TTC8: variants seen among roughly 807,000 people sequenced by gnomAD.
TTC8 encodes the protein tetratricopeptide repeat domain 8.
A neutral mutation model predicts 72.5 loss-of-function variants in TTC8; 47 were observed. The observed-to-expected ratio is 0.65, with a 90% confidence interval of 0.51 to 0.83. TTC8 has a LOEUF of 0.83. Ranked by LOEUF, TTC8 falls within the 40% of genes least tolerant of loss-of-function variation. TTC8 has a pLI of 0.00. For missense variants in TTC8, 611 were observed against 623.2 expected, an observed-to-expected ratio of 0.98 and a Z score of 0.21; for synonymous variants, 199 against 221.4, an observed-to-expected ratio of 0.90 and a Z score of 0.90.
At chr14:88,833,941 A>C in intron 2 of TTC8, 1 of 563,090 alleles carries the variant, frequency 1.8e-6, no homozygotes, top group East Asian at 3.0e-5. Context: ...AATGCAGTCT[A>C]CTCATTGGGA....
At chr14:88,878,048 C>T (rs1230119800), downstream of TTC8, 1 of 152,026 alleles carries the variant, frequency 6.6e-6, no homozygotes, top group Non-Finnish European at 1.5e-5. Context: ...ACAGGTTTTA[C>T]AGAAGTCCAG....
intron 7 of TTC8, 75 bp from the exon 8 acceptor site, chr14:88,852,896 T>G: frequency 8.2e-7 from 1 of 1,218,468 alleles, no homozygotes. Flanking sequence ...TTATATGGTC[T>G]ATTTCATTAT....
rs147568590 is a variant in TTC8 at position 88,868,084 on chromosome 14, G to A, written c.910-1975G>A. On this transcript the variant is annotated intron_variant, in intron 10 of 14. Transcript: ENST00000380656. ...ACCATTAGCTTGATTACAGATAAAAGCAGAAGTGGAGCTTTTGGCTTTAGA... is the reference window on the plus strand; with the variant it reads ...ACCATTAGCTTGATTACAGATAAAAACAGAAGTGGAGCTTTTGGCTTTAGA... 1.3e-3 allele frequency among the ~76,000 whole-genome samples: 197 copies of A among 152,276 alleles called. 1 individual carries two copies. The highest frequency in any genetic ancestry group is 4.5e-3 in the African/African-American group (189 of 41,552).
At chr14:88,878,560 C>T (rs1271308837), downstream of TTC8, 3 of 152,172 alleles carry the variant, frequency 2.0e-5, no homozygotes, top group East Asian at 1.9e-4. Context: ...CAAGGCCCCG[C>T]GTCACATCCA....
Position 88,857,093 on chromosome 14 carries a change from G to A in TTC8, c.711-97G>A, listed in dbSNP as rs2094859909. 8 of 1,036,458 alleles carry A rather than the reference G, an allele frequency of 7.7e-6. 1 individual carries two copies. Among genetic ancestry groups the A allele is most frequent in the South Asian group, 3.8e-5 (3 of 78,614 alleles). The allele number at this position is 1,036,458 out of a possible 1,614,324, so 64.2% of individuals were successfully genotyped here. A position where few individuals can be genotyped will look rare whatever the true frequency, so the allele number is the denominator to read the frequency against. On this transcript the variant is annotated intron_variant, in intron 8 of 14. Transcript: ENST00000380656. ...TGTGCAACATTACCTTCCTTGGTAT[G>A]TGCTTCCTCTTATAATTTGTCTCTA...
intron 1 of TTC8, among the ~76,000 whole-genome samples, chr14:88,831,949 C>T (rs764062510): frequency 5.9e-5 from 9 of 152,126 alleles, no homozygotes; most frequent in Non-Finnish European, 1.2e-4. Context: ...GTATTTGACA[C>T]ATTGTATTGT....
chr14:88,853,712 T>C (rs1174221253), intron 8 of TTC8, among the ~76,000 whole-genome samples: 2 of 152,224 alleles, frequency 1.3e-5, no homozygotes, highest in Admixed American at 1.3e-4. Flanking sequence ...TTATATTCTC[T>C]TAATGTTTCA....
At chr14:88,832,279 G>A (rs2140959206) in intron 1 of TTC8, among the ~76,000 whole-genome samples, 1 of 152,298 alleles carries the variant, frequency 6.6e-6, no homozygotes, top group East Asian at 1.9e-4. Context: ...TGTGTCACTG[G>A]AGGAATCTAC....
At chr14:88,840,039 T>C (rs1371942956) in intron 3 of TTC8, 1 of 172,054 alleles carries the variant, frequency 5.8e-6, no homozygotes, top group Non-Finnish European at 1.3e-5. Context: ...TAATCGAACA[T>C]GATTTGCTCT....
At position 88,830,372 on chromosome 14, in the gene TTC8, A is replaced by T. The variant is rs147722959; in HGVS notation, c.115-3321A>T. Among the ~76,000 whole-genome samples, 16 of 152,296 alleles carry T rather than the reference A, an allele frequency of 1.1e-4. No homozygotes were observed. In the East Asian group the frequency reaches 3.1e-3, roughly 29 times the overall value. On this transcript the variant is annotated intron_variant, in intron 1 of 14. Coordinates refer to ENST00000380656, the MANE Select transcript of TTC8 (RefSeq NM_144596.4). Reference sequence around the variant, plus strand: ...CCCACTTTGAGGGAGATTCAGAGGAAGTTTTAATTTGATCTTCCATCACTG... The same window carrying T: ...CCCACTTTGAGGGAGATTCAGAGGATGTTTTAATTTGATCTTCCATCACTG...
downstream of TTC8, chr14:88,878,736 T>C (rs2094965626): frequency 6.6e-6 from 1 of 152,234 alleles, no homozygotes; most frequent in South Asian, 2.1e-4. Context: ...TGAATCATTT[T>C]CTTAATTTAA....
chr14:88,846,785 A>G, intron 7 of TTC8: 1 of 564,908 alleles, frequency 1.8e-6, no homozygotes, highest in East Asian at 3.4e-5. Flanking sequence ...ATGCATATGA[A>G]CTTAAAAATT....
intron 9 of TTC8, among the ~76,000 whole-genome samples, chr14:88,860,164 G>C (rs2094878996): frequency 6.6e-6 from 1 of 150,714 alleles, no homozygotes; most frequent in Non-Finnish European, 1.5e-5. Flanking sequence ...TAGTGTATAA[G>C]GTAAAAACTG....
intron 13 of TTC8, among the ~76,000 whole-genome samples, chr14:88,874,348 G>A (rs2094947985): frequency 6.6e-6 from 1 of 152,098 alleles, no homozygotes; most frequent in Non-Finnish European, 1.5e-5. Flanking sequence ...TTAGCAGTTT[G>A]TAATGTTGAA....
chr14:88,880,255 CATTT>C, downstream of TTC8: 1 of 152,272 alleles, frequency 6.6e-6, no homozygotes, highest in South Asian at 2.1e-4. Flanking sequence ...GAGGGGGAAA[CATTT>C]ATTTAGCAAT....
rs1222580540 is a variant in TTC8 at position 88,826,839 on chromosome 14, C to G, written c.114+2018C>G. Among the ~76,000 whole-genome samples the G allele has an allele frequency of 5.3e-5, 8 of 152,266 alleles. No homozygotes were observed. The East Asian group carries it at 1.5e-3, about 29-fold the overall frequency. On this transcript the variant is annotated intron_variant, in intron 1 of 14. Transcript: ENST00000380656. ...TCTGTGTTCCACGAAACAGTAGTCC[C>G]AAGAGCTGTTCAGTGAGAACAAGTT...
intron 7 of TTC8, among the ~76,000 whole-genome samples, chr14:88,847,882 GGAGGCCAAGGTGGGTGGATCACCT>G (rs1403744278): frequency 2.6e-5 from 4 of 151,980 alleles, no homozygotes; most frequent in Admixed American, 2.6e-4. Flanking sequence ...CAGCACTTTG[GGAGGCCAAGGTGGGTGGATCACCT>G]GAGGTCAGGA....
chr14:88,880,861 G>T (rs1043660094), downstream of TTC8: 2 of 151,988 alleles, frequency 1.3e-5, no homozygotes, highest in Non-Finnish European at 2.9e-5. Flanking sequence ...ACTCATAAAA[G>T]AAATTAAAAT....
At chr14:88,835,412 T>G (rs1487040225) in intron 2 of TTC8, among the ~76,000 whole-genome samples, 1 of 152,192 alleles carries the variant, frequency 6.6e-6, no homozygotes, top group Non-Finnish European at 1.5e-5. Flanking sequence ...AGGAGTAATG[T>G]CCTATAGACT....
Sources: gnomAD v4.1 joint callset for allele counts (sites outside exome capture counted in the v4.1 genomes callset) on GRCh38, gnomAD v4.1.1 for gene constraint, MANE v1.5 for transcripts, NCBI Gene and HGNC (gene_info 2026-07-23, HGNC 2026-07-21) for gene names.